RIT2: variants seen among roughly 807,000 people sequenced by gnomAD.
RIT2 encodes the protein Ras like without CAAX 2, also known as GTP-binding protein Rit2.
Under a neutral mutation model 23.7 loss-of-function variants are expected in RIT2, and 24 were observed. That is an observed-to-expected ratio of 1.01 (90% CI 0.73 to 1.43). The LOEUF (loss-of-function observed/expected upper bound fraction) is 1.43. RIT2 is among the 40% of genes most tolerant of loss of function. The probability of loss-of-function intolerance (pLI) is 0.00; values close to 1 mark genes in which losing one functional copy is unlikely to be tolerated. For missense variants in RIT2, 236 were observed against 266.9 expected, an observed-to-expected ratio of 0.88 and a Z score of 0.81; for synonymous variants, 107 against 91.1, an observed-to-expected ratio of 1.17 and a Z score of -0.99.
At chr18:42,841,488 T>C (rs1439902625) in intron 4 of RIT2, among the ~76,000 whole-genome samples, 1 of 152,238 alleles carries the variant, frequency 6.6e-6, no homozygotes, top group Non-Finnish European at 1.5e-5. Flanking sequence ...TCTTGATGGT[T>C]TGCTTCTTTC....
chr18:42,783,429 C>T (rs1251496344), intron 4 of RIT2, among the ~76,000 whole-genome samples: 1 of 152,056 alleles, frequency 6.6e-6, no homozygotes, highest in East Asian at 1.9e-4. Context: ...TTACATTTAG[C>T]CTGTGCAATG....
At chr18:42,817,854 T>TAGCG in intron 4 of RIT2, among the ~76,000 whole-genome samples, 1 of 152,166 alleles carries the variant, frequency 6.6e-6, no homozygotes, top group African/African-American at 2.4e-5. Context: ...GTACCTAATA[T>TAGCG]AGCGCATGCA....
At chr18:43,019,837 G>A (rs1911555579) in intron 2 of RIT2, among the ~76,000 whole-genome samples, 1 of 151,886 alleles carries the variant, frequency 6.6e-6, no homozygotes, top group Non-Finnish European at 1.5e-5. Flanking sequence ...ATTCAGTAAA[G>A]TTGTAGAATA....
chr18:42,801,938 T>G (rs892212288), intron 4 of RIT2, among the ~76,000 whole-genome samples: 1 of 152,352 alleles, frequency 6.6e-6, no homozygotes, highest in Admixed American at 6.5e-5. Flanking sequence ...CTGCTCAATG[T>G]CATTTTGGCC....
chr18:43,059,220 T>C (rs1912583496), intron 1 of RIT2, among the ~76,000 whole-genome samples: 1 of 152,140 alleles, frequency 6.6e-6, no homozygotes, highest in Non-Finnish European at 1.5e-5. Flanking sequence ...TTTATATACA[T>C]CACCTCGTTT....
At chr18:42,987,589 G>C (rs1910741076) in intron 2 of RIT2, among the ~76,000 whole-genome samples, 1 of 152,194 alleles carries the variant, frequency 6.6e-6, no homozygotes, top group South Asian at 2.1e-4. Flanking sequence ...ACATGTGTGG[G>C]AAAGGCATAA....
At chr18:42,958,212 G>C (rs772887997) in intron 3 of RIT2, among the ~76,000 whole-genome samples, 1 of 152,214 alleles carries the variant, frequency 6.6e-6, no homozygotes, top group Non-Finnish European at 1.5e-5. Context: ...AAATTTGCTA[G>C]ATATAGAATT....
At chr18:42,849,553 T>C (rs1269608946) in intron 4 of RIT2, among the ~76,000 whole-genome samples, 1 of 152,114 alleles carries the variant, frequency 6.6e-6, no homozygotes. Context: ...GCATGGCATA[T>C]AGTGAGCACC....
At chr18:43,088,658 G>C (rs983878679) in intron 1 of RIT2, among the ~76,000 whole-genome samples, 10 of 152,112 alleles carry the variant, frequency 6.6e-5, no homozygotes, top group Non-Finnish European at 1.2e-4. Context: ...TTGAACTTGA[G>C]CTGAACTTTG....
At chr18:43,016,564 C>T (rs891232232) in intron 2 of RIT2, among the ~76,000 whole-genome samples, 1 of 151,674 alleles carries the variant, frequency 6.6e-6, no homozygotes, top group Non-Finnish European at 1.5e-5. Flanking sequence ...GTTTTATCCC[C>T]CCACCCTCTG....
intron 2 of RIT2, among the ~76,000 whole-genome samples, chr18:43,010,130 C>T (rs2144252996): frequency 6.6e-6 from 1 of 151,890 alleles, no homozygotes; most frequent in African/African-American, 2.4e-5. Flanking sequence ...ATAGACTAAA[C>T]CTTCAACTAT....
At chr18:43,089,003 G>C (rs1202345144) in intron 1 of RIT2, among the ~76,000 whole-genome samples, 1 of 152,086 alleles carries the variant, frequency 6.6e-6, no homozygotes, top group African/African-American at 2.4e-5. Context: ...TGAGATAGTT[G>C]TGTGTGTACA....
intron 1 of RIT2, among the ~76,000 whole-genome samples, chr18:43,083,326 T>C (rs1198238421): frequency 6.6e-6 from 1 of 152,200 alleles, no homozygotes; most frequent in Non-Finnish European, 1.5e-5. Flanking sequence ...ATAGATTCAA[T>C]GCTAGACTTA....
At chr18:42,802,032 A>T (rs1905553565) in intron 4 of RIT2, among the ~76,000 whole-genome samples, 2 of 152,208 alleles carry the variant, frequency 1.3e-5, no homozygotes, top group Admixed American at 6.5e-5. Context: ...TATCTGACTT[A>T]TTAAAAAGAT....
At chr18:43,004,845 G>A (rs374011001) in intron 2 of RIT2, among the ~76,000 whole-genome samples, 5 of 151,774 alleles carry the variant, frequency 3.3e-5, no homozygotes, top group African/African-American at 1.2e-4. Flanking sequence ...CTATTAGATT[G>A]TTAGATCTGC....
At chr18:42,788,606 C>A (rs1011890544) in intron 4 of RIT2, among the ~76,000 whole-genome samples, 1 of 152,118 alleles carries the variant, frequency 6.6e-6, no homozygotes, top group Non-Finnish European at 1.5e-5. Context: ...AATATCACCA[C>A]CAATTTTGTC....
intron 4 of RIT2, among the ~76,000 whole-genome samples, chr18:42,896,879 TA>T (rs113141725): frequency 0.01 from 1,531 of 152,324 alleles, 21 homozygotes; most frequent in African/African-American, 0.034. Context: ...CTGGCTTAGG[TA>T]ACAGTTTTGT....
chr18:42,978,688 AC>A (rs1253688312), intron 2 of RIT2, among the ~76,000 whole-genome samples: 1 of 152,100 alleles, frequency 6.6e-6, no homozygotes, highest in Non-Finnish European at 1.5e-5. Flanking sequence ...GGCATCCACT[AC>A]CTTAAAATTT....
At chr18:43,092,668 T>C (rs1347616177) in intron 1 of RIT2, among the ~76,000 whole-genome samples, 2 of 152,038 alleles carry the variant, frequency 1.3e-5, no homozygotes, top group South Asian at 2.1e-4. Flanking sequence ...CCATATTAAC[T>C]GTTATCGAGA....
Sources: gnomAD v4.1 joint callset for allele counts (sites outside exome capture counted in the v4.1 genomes callset) on GRCh38, gnomAD v4.1.1 for gene constraint, MANE v1.5 for transcripts, NCBI Gene and HGNC (gene_info 2026-07-23, HGNC 2026-07-21) for gene names.